Variants in AURKA observed in about 807,000 individuals in gnomAD.
AURKA encodes the protein aurora kinase A.
A neutral mutation model predicts 40.9 loss-of-function variants in AURKA; 12 were observed. The observed-to-expected ratio is 0.29, with a 90% CI of 0.19 to 0.48. AURKA has a LOEUF of 0.48. Among genes scored for constraint, AURKA ranks in the 20% least tolerant of loss-of-function variants. AURKA has a pLI of 0.99. For missense variants in AURKA, 322 were observed against 462.1 expected, an observed-to-expected ratio of 0.70 and a Z score of 2.78; for synonymous variants, 170 against 164.3, an observed-to-expected ratio of 1.03 and a Z score of -0.26.
chr20:56,373,507 ACT>A lies in AURKA; in HGVS notation c.753_754del (p.Arg251SerfsTer4), dbSNP rs1192365272. 4 of 1,614,014 alleles carry A rather than the reference ACT, an allele frequency of 2.5e-6. No individual in the cohort carries two copies. The highest frequency in any genetic ancestry group is 2.7e-5 in the African/African-American group (2 of 74,908). On this transcript the variant is annotated frameshift_variant, in exon 7 of 9. Coordinates refer to ENST00000395915, the MANE Select transcript of AURKA (RefSeq NM_198437.3). LOFTEE classifies it high-confidence loss of function. The surrounding 1 kb of genome is among the most constrained non-coding windows in gnomAD (Gnocchi z 5.0). Reference sequence around the variant, plus strand: ...CTCTGGCTTAATGTCTCTATGAATAACTCTCTTCGAATGACAGTAAGACAGGG... The same window carrying A: ...CTCTGGCTTAATGTCTCTATGAATAACTCTTCGAATGACAGTAAGACAGGG...
intron 7 of AURKA, 34 bp from the exon 8 acceptor site, chr20:56,370,693 T>G (rs766164707): frequency 6.2e-6 from 10 of 1,612,132 alleles, no homozygotes; most frequent in African/African-American, 1.3e-5. Context: ...TTGATGTGCT[T>G]CTCGTTTTAT....
Position 56,384,196 on chromosome 20 carries a change from C to T in AURKA, c.374+74G>A. On this transcript the variant is annotated intron_variant, in intron 4 of 8. Transcript: ENST00000395915. ...AGGCCTCATTTTTTTCCCCAGAGTT[C>T]CCACAACGAAATTTGCAACGAAATA... 4.0e-6 allele frequency: 5 copies of T among 1,256,196 alleles called. 1 individual carries two copies. Among genetic ancestry groups the T allele is most frequent in the East Asian group, 2.3e-5 (1 of 42,678 alleles). 77.8% of individuals were successfully genotyped at this position (1,256,196 alleles called of 1,614,324 possible). A position where few individuals can be genotyped will look rare whatever the true frequency, so the allele number is the denominator to read the frequency against.
At chr20:56,375,356 G>A (rs904143841) in intron 6 of AURKA, among the ~76,000 whole-genome samples, 9 of 136,778 alleles carry the variant, frequency 6.6e-5, no homozygotes, top group East Asian at 2.1e-4. Flanking sequence ...TGTTGCCTAC[G>A]CTGGTCGCTA....
At chr20:56,375,115 A>G (rs981553005) in intron 6 of AURKA, among the ~76,000 whole-genome samples, 1 of 151,960 alleles carries the variant, frequency 6.6e-6, no homozygotes, top group Non-Finnish European at 1.5e-5. Context: ...CAAGTCCAGT[A>G]TGTATGTATT....
chr20:56,375,840 C>A (rs574185740), intron 6 of AURKA, among the ~76,000 whole-genome samples: 1 of 152,356 alleles, frequency 6.6e-6, no homozygotes, highest in Admixed American at 6.5e-5. Context: ...GGCACTGCCA[C>A]TTCCTCCACA....
At chr20:56,389,930 T>C (rs1030422227) in intron 1 of AURKA, among the ~76,000 whole-genome samples, 2 of 152,194 alleles carry the variant, frequency 1.3e-5, no homozygotes, top group African/African-American at 2.4e-5. Flanking sequence ...CTCTCTCCCT[T>C]GAGTTTTTTC....
In AURKA at chr20:56,374,827, C is replaced by T. The variant is rs555812394; in HGVS notation, c.706-1271G>A. On this transcript the variant is annotated intron_variant, in intron 6 of 8. Coordinates refer to ENST00000395915, the MANE Select transcript of AURKA (RefSeq NM_198437.3). ...CTTTGGGAGGCCAAGACAGGTGGAT[C>T]ACCTGAAGTCAGGAGTTCGAGACCG... Among the ~76,000 whole-genome samples the T allele has an allele frequency of 4.6e-5, 7 of 152,288 alleles. No individual in the cohort carries two copies. The South Asian group carries it at 1.5e-3, about 32-fold the overall frequency.
intron 3 of AURKA, among the ~76,000 whole-genome samples, chr20:56,385,462 ATT>A (rs199813313): frequency 1.4e-5 from 2 of 143,812 alleles, no homozygotes; most frequent in Admixed American, 6.9e-5. Context: ...TCCACAGTAA[ATT>A]TTTTTTTTTT....
intron 5 of AURKA, 98 bp from the exon 6 acceptor site, chr20:56,381,669 T>C (rs1985730939): frequency 8.0e-6 from 12 of 1,504,636 alleles, no homozygotes; most frequent in Admixed American, 3.4e-5. Flanking sequence ...CCAGTGGTGT[T>C]TCACATGAAA....
At chr20:56,376,184 C>A (rs1349125634) in intron 6 of AURKA, among the ~76,000 whole-genome samples, 1 of 152,096 alleles carries the variant, frequency 6.6e-6, no homozygotes, top group Non-Finnish European at 1.5e-5. Context: ...CAACAAACTA[C>A]AACCCACCAT....
intron 6 of AURKA, among the ~76,000 whole-genome samples, chr20:56,377,291 A>G (rs1985055858): frequency 6.6e-6 from 1 of 152,152 alleles, no homozygotes; most frequent in Non-Finnish European, 1.5e-5. Context: ...AAATAAATAA[A>G]AAACAGCCTT....
In AURKA at chr20:56,386,154, A is replaced by G. The variant is rs937517330; in HGVS notation, c.319+103T>C. On this transcript the variant is annotated intron_variant, in intron 3 of 8. Coordinates refer to ENST00000395915, the MANE Select transcript of AURKA (RefSeq NM_198437.3). Reference sequence around the variant, plus strand: ...TATTTTCTCCCCATCCTCAACAGATATAAAAGCTAAGGCTCCAAACAATAA... The same window carrying G: ...TATTTTCTCCCCATCCTCAACAGATGTAAAAGCTAAGGCTCCAAACAATAA... The G allele has an allele frequency of 2.0e-6, 3 of 1,505,426 alleles. No homozygotes were observed. In the South Asian group the frequency reaches 3.4e-5, roughly 17 times the overall value. The allele number at this position is 1,505,426 out of a possible 1,614,324, so 93.3% of individuals were successfully genotyped here. A position where few individuals can be genotyped will look rare whatever the true frequency, so the allele number is the denominator to read the frequency against.
rs1985713727 is a variant in AURKA, at chr20:56,381,553, T to C, written c.585A>G (p.Arg195=). 1 of 1,613,820 alleles carries C rather than the reference T, an allele frequency of 6.2e-7. No individual in the cohort carries two copies. The highest frequency in any genetic ancestry group is 1.1e-5 in the South Asian group (1 of 91,078). The change falls in exon 6 of 9, where the codon AGA becomes AGG. Residue 195 remains arginine, a synonymous_variant. Coordinates refer to ENST00000395915, the MANE Select transcript of AURKA (RefSeq NM_198437.3). ...TAGCATCATGGAAATAACCATACAG[T>C]CTAAGAATATTAGGATGCCTGCAAC... is the stretch of plus-strand genomic sequence containing the variant. The part of the protein sequence containing the change: ...QSHLRHPNIL[R]LYGYFHDATR...
At position 56,373,066 on chromosome 20, in the gene AURKA, G is replaced by C. The variant is rs917012483; in HGVS notation, c.854+342C>G. On this transcript the variant is annotated intron_variant, in intron 7 of 8. Transcript: ENST00000395915. This position sits in a 1 kb window ranked among gnomAD's most constrained non-coding sequence, Gnocchi z 5.0. ...TCCCCATCTCCTCATCCAGGAAGCAGCAGAGGTGAAGAGTTCCTCCCACTC... is the reference window on the plus strand; with the variant it reads ...TCCCCATCTCCTCATCCAGGAAGCACCAGAGGTGAAGAGTTCCTCCCACTC... Among the ~76,000 whole-genome samples the C allele has an allele frequency of 4.6e-5, 7 of 152,178 alleles. No homozygotes were observed. The highest frequency in any genetic ancestry group is 1.7e-4 in the African/African-American group (7 of 41,440).
At position 56,371,534 on chromosome 20, in the gene AURKA, C is replaced by T. The variant is rs147807564; in HGVS notation, c.855-875G>A. Among the ~76,000 whole-genome samples the T allele has an allele frequency of 6.0e-3, 860 of 143,530 alleles. 5 individuals carry two copies. Among genetic ancestry groups the T allele is most frequent in the Middle Eastern group, 0.01 (3 of 292 alleles). The allele number at this position is 143,530 out of a possible 152,430, so 94.2% of individuals were successfully genotyped here. A position where few individuals can be genotyped will look rare whatever the true frequency, so the allele number is the denominator to read the frequency against. ...CCTACATTCCAGTTTTCAGCAAATA[C>T]GGGGAATAAAGGTCCAAGTTAAGTG... On this transcript the variant is annotated intron_variant, in intron 7 of 8. Transcript: ENST00000395915.
Position 56,373,332 on chromosome 20 carries a change from A to G in AURKA, c.854+76T>C. 6 of 1,606,748 alleles carry G rather than the reference A, an allele frequency of 3.7e-6. No individual in the cohort carries two copies. The highest frequency in any genetic ancestry group is 5.1e-6 in the Non-Finnish European group (6 of 1,175,146). On this transcript the variant is annotated intron_variant, in intron 7 of 8. Transcript: ENST00000395915. The surrounding 1 kb of genome is among the most constrained non-coding windows in gnomAD (Gnocchi z 5.0). Reference sequence around the variant, plus strand: ...CTTACAGCACAAAATCTACACTGAAATATTTTACATTTAGCTCACGGTTAG... The same window carrying G: ...CTTACAGCACAAAATCTACACTGAAGTATTTTACATTTAGCTCACGGTTAG...
Position 56,370,286 on chromosome 20 carries a change from T to C in AURKA, c.1084A>G (p.Arg362Gly), listed in dbSNP as rs1284841822. ...VTEGARDLIS[R>G]LLKHNPSQRP... ...TGGCTGGGATTATGCTTCAACAGTC[T>C]TGAAATGAGGTCCCTGGCTCCCTCT... The change falls in exon 9 of 9, where the codon AGA (arginine) becomes GGA (glycine). Residue 362 changes from arginine to glycine, a missense_variant. Physicochemically the swap from Arg to Gly is moderately radical, Grantham distance 125. Transcript: ENST00000395915. 2 of 1,614,204 alleles carry C rather than the reference T, an allele frequency of 1.2e-6. No individual in the cohort carries two copies. Among genetic ancestry groups the C allele is most frequent in the South Asian group, 1.1e-5 (1 of 91,086 alleles).
chr20:56,374,514 G>C (rs1458994921), intron 6 of AURKA, among the ~76,000 whole-genome samples: 1 of 152,066 alleles, frequency 6.6e-6, no homozygotes, highest in Non-Finnish European at 1.5e-5. Context: ...ATATTAAATA[G>C]CATGTTAAAT....
At chr20:56,379,090 A>T (rs1039836894) in intron 6 of AURKA, among the ~76,000 whole-genome samples, 1 of 152,200 alleles carries the variant, frequency 6.6e-6, no homozygotes, top group African/African-American at 2.4e-5. Flanking sequence ...ATCTCATTGC[A>T]TTACAAATGT....
Sources: gnomAD v4.1 joint callset for allele counts (sites outside exome capture counted in the v4.1 genomes callset) on GRCh38, gnomAD v4.1.1 for gene constraint, Gnocchi (gnomAD v3.1) non-coding constraint, MANE v1.5 for transcripts, NCBI Gene and HGNC (gene_info 2026-07-23, HGNC 2026-07-21) for gene names.